Variants in SLC24A2 observed in about 807,000 individuals in gnomAD.
SLC24A2 encodes sodium/potassium/calcium exchanger 2.
A neutral mutation model predicts 62.0 loss-of-function variants in SLC24A2; 36 were observed. The observed-to-expected ratio is 0.58, with a 90% CI of 0.44 to 0.77. SLC24A2 has a LOEUF of 0.77. Ranked by LOEUF, SLC24A2 falls within the 30% of genes least tolerant of loss-of-function variation. The probability of loss-of-function intolerance (pLI) is 0.00; values close to 1 mark genes in which losing one functional copy is unlikely to be tolerated. For synonymous variants in SLC24A2, 358 were observed against 294.0 expected (o/e 1.22, Z -2.23); for missense variants, 846 against 817.9 (o/e 1.03, Z -0.42).
At chr9:20,029,697 T>C in the SLC24A2 span, among the ~76,000 whole-genome samples, 1 of 152,228 alleles carries the variant, frequency 6.6e-6, no homozygotes, top group East Asian at 1.9e-4. Flanking sequence ...TGGTTATGTT[T>C]ATGAGTTCCA....
chr9:19,562,364 A>T (rs1243168586), intron 7 of SLC24A2, among the ~76,000 whole-genome samples: 1 of 152,166 alleles, frequency 6.6e-6, no homozygotes, highest in African/African-American at 2.4e-5. Flanking sequence ...AATAGCCCTT[A>T]ATGTATCTTA....
At chr9:19,770,883 T>C (rs1229015963) in intron 2 of SLC24A2, among the ~76,000 whole-genome samples, 3 of 152,226 alleles carry the variant, frequency 2.0e-5, no homozygotes, top group Non-Finnish European at 4.4e-5. Context: ...TTTAAATTTC[T>C]GTAACCCAAC....
chr9:20,247,216 C>T, the SLC24A2 span, among the ~76,000 whole-genome samples: 392 of 152,266 alleles, frequency 2.6e-3, 3 homozygotes, highest in African/African-American at 9.0e-3. Context: ...CATTTCCTGA[C>T]ATCTCCACCC....
chr9:20,098,262 T>C, the SLC24A2 span, among the ~76,000 whole-genome samples: 1 of 152,180 alleles, frequency 6.6e-6, no homozygotes, highest in Non-Finnish European at 1.5e-5. Context: ...TCAGACTATA[T>C]TACTAGTGCT....
At chr9:19,779,941 T>C (rs6475368) in intron 2 of SLC24A2, among the ~76,000 whole-genome samples, 58,556 of 151,714 alleles carry the variant, frequency 0.39, 12,201 homozygotes, top group Admixed American at 0.47. Context: ...CGGGCGCCTG[T>C]AGTGCCGCTA....
At chr9:20,151,032 C>T in the SLC24A2 span, among the ~76,000 whole-genome samples, 1 of 151,896 alleles carries the variant, frequency 6.6e-6, no homozygotes, top group Non-Finnish European at 1.5e-5. Flanking sequence ...TCAGAGCACC[C>T]CAAGTCTGTT....
intron 2 of SLC24A2, among the ~76,000 whole-genome samples, chr9:19,720,695 C>CT (rs201020619): frequency 0.036 from 2,976 of 83,120 alleles, 106 homozygotes; most frequent in African/African-American, 0.1. Flanking sequence ...GACAACCCCC[C>CT]CCCCCAAAAA....
the SLC24A2 span, among the ~76,000 whole-genome samples, chr9:20,259,742 T>G: frequency 6.6e-6 from 1 of 152,206 alleles, no homozygotes; most frequent in Non-Finnish European, 1.5e-5. Flanking sequence ...ATTTGAATGT[T>G]TGGCCCCTCC....
chr9:19,959,765 G>A, the SLC24A2 span, among the ~76,000 whole-genome samples: 2 of 152,036 alleles, frequency 1.3e-5, no homozygotes, highest in African/African-American at 4.8e-5. Flanking sequence ...ACAATTGCTG[G>A]TACTCACTGA....
At chr9:19,994,222 T>G in the SLC24A2 span, among the ~76,000 whole-genome samples, 1 of 152,180 alleles carries the variant, frequency 6.6e-6, no homozygotes, top group Non-Finnish European at 1.5e-5. Context: ...AGTCTCATTA[T>G]CTCAGCTGTC....
chr9:20,040,542 A>T, the SLC24A2 span, among the ~76,000 whole-genome samples: 1 of 152,142 alleles, frequency 6.6e-6, no homozygotes, highest in African/African-American at 2.4e-5. Flanking sequence ...ACCCCCACCA[A>T]ATGACCGAGG....
chr9:19,705,682 C>T (rs1413575522), intron 2 of SLC24A2: 6 of 191,172 alleles, frequency 3.1e-5, no homozygotes, highest in Admixed American at 5.3e-5. Context: ...GCCTTCATTT[C>T]GTTATGTACC....
chr9:19,975,751 T>A, the SLC24A2 span, among the ~76,000 whole-genome samples: 1 of 152,192 alleles, frequency 6.6e-6, no homozygotes. Context: ...TTTTTCCATG[T>A]TCTGCTTTTG....
At chr9:19,602,376 T>C (rs1836865467) in intron 4 of SLC24A2, among the ~76,000 whole-genome samples, 1 of 152,308 alleles carries the variant, frequency 6.6e-6, no homozygotes, top group South Asian at 2.1e-4. Flanking sequence ...ATTTGAACCT[T>C]GTTCTAACAT....
intron 9 of SLC24A2, among the ~76,000 whole-genome samples, chr9:19,526,573 G>GT (rs540447049): frequency 1.3e-5 from 2 of 152,072 alleles, no homozygotes; most frequent in African/African-American, 4.8e-5. Flanking sequence ...TCTTGTTATG[G>GT]TTTTGATTTA....
the SLC24A2 span, among the ~76,000 whole-genome samples, chr9:20,006,090 T>C: frequency 6.6e-6 from 1 of 151,704 alleles, no homozygotes; most frequent in Admixed American, 6.6e-5. Context: ...CTACATGATA[T>C]ACATAGTAGA....
intron 2 of SLC24A2, among the ~76,000 whole-genome samples, chr9:19,686,272 G>A (rs150717940): frequency 1.3e-5 from 2 of 152,230 alleles, no homozygotes; most frequent in African/African-American, 4.8e-5. Flanking sequence ...TGCTGGTGAG[G>A]TTGCAGAGTG....
At chr9:19,665,539 CA>C (rs1329395352) in intron 2 of SLC24A2, among the ~76,000 whole-genome samples, 2 of 152,034 alleles carry the variant, frequency 1.3e-5, no homozygotes, top group East Asian at 3.9e-4. Flanking sequence ...TAGAATCAGG[CA>C]AAAGTAGATA....
intron 5 of SLC24A2, among the ~76,000 whole-genome samples, chr9:19,594,668 G>A (rs1836654876): frequency 6.6e-6 from 1 of 152,196 alleles, no homozygotes; most frequent in Admixed American, 6.5e-5. Context: ...TTAACTGGAA[G>A]GGGTATTTCT....
Sources: allele counts gnomAD v4.1 joint callset (sites outside exome capture counted in the v4.1 genomes callset), GRCh38; gene constraint gnomAD v4.1.1; transcripts MANE v1.5; gene names NCBI Gene and HGNC (gene_info 2026-07-23, HGNC 2026-07-21).